Variants in FBLN5 observed in about 807,000 individuals in gnomAD.
FBLN5 encodes the protein fibulin-5.
In FBLN5, 24 loss-of-function variants were observed where a neutral mutation model predicts 61.6. That is an observed-to-expected ratio of 0.39 (90% CI 0.28 to 0.55). The LOEUF (loss-of-function observed/expected upper bound fraction) is 0.55, where lower values mean the gene tolerates loss of function less well. FBLN5 is among the 20% of genes least tolerant of loss of function. FBLN5 has a pLI of 0.65. For missense variants in FBLN5, 470 were observed against 594.1 expected, an observed-to-expected ratio of 0.79 and a Z score of 2.17; for synonymous variants, 213 against 219.8, an observed-to-expected ratio of 0.97 and a Z score of 0.27.
chr14:91,898,624 A>G (rs1265043734), intron 4 of FBLN5, among the ~76,000 whole-genome samples: 1 of 152,122 alleles, frequency 6.6e-6, no homozygotes, highest in Non-Finnish European at 1.5e-5. Flanking sequence ...TTTCCGCATC[A>G]GTGGAAAAGT....
intron 6 of FBLN5, among the ~76,000 whole-genome samples, chr14:91,887,609 C>G (rs148345962): frequency 2.0e-5 from 3 of 152,226 alleles, no homozygotes; most frequent in African/African-American, 7.2e-5. Context: ...AGTCTATGCT[C>G]CAACGCACCC....
At chr14:91,870,850 T>C (rs1888890000) in intron 10 of FBLN5, among the ~76,000 whole-genome samples, 1 of 152,146 alleles carries the variant, frequency 6.6e-6, no homozygotes, top group African/African-American at 2.4e-5. Flanking sequence ...TCAGAAAACA[T>C]ATATTGAATG....
chr14:91,889,547 T>C (rs72705340), intron 6 of FBLN5, among the ~76,000 whole-genome samples: 28,712 of 152,230 alleles, frequency 0.19, 3,211 homozygotes, highest in Middle Eastern at 0.33. Context: ...CTTAACCTTT[T>C]TGAGCCTTTA....
rs17127722 is a variant in FBLN5, at chr14:91,901,166, A to T, written c.380-6094T>A. On this transcript the variant is annotated intron_variant, in intron 4 of 10. Transcript: ENST00000342058. ...TGTGCCTAATGGCCATGTATGATCA[A>T]CCTTTTCACAATCTGATTCTTGCCT... 1.0e-3 allele frequency among the ~76,000 whole-genome samples: 157 copies of T among 152,294 alleles called. 5 individuals carry two copies. In the East Asian group the frequency reaches 0.029, roughly 28 times the overall value.
rs150889445 is a variant in FBLN5 at position 91,930,322 on chromosome 14, C to A, written c.379+6625G>T. On this transcript the variant is annotated intron_variant, in intron 4 of 10. Coordinates refer to ENST00000342058, the MANE Select transcript of FBLN5 (RefSeq NM_006329.4). ...GTTTAGAGAAGTGAAGCCACTTGCCCATCATCCCAGCAATGATAGGGAAAG... is the reference window on the plus strand; with the variant it reads ...GTTTAGAGAAGTGAAGCCACTTGCCAATCATCCCAGCAATGATAGGGAAAG... Among the ~76,000 whole-genome samples the A allele has an allele frequency of 8.1e-4, 124 of 152,240 alleles. 1 individual carries two copies. The highest frequency in any genetic ancestry group is 2.9e-3 in the African/African-American group (119 of 41,538).
intron 4 of FBLN5, among the ~76,000 whole-genome samples, chr14:91,911,491 A>G (rs1883875427): frequency 6.6e-6 from 1 of 152,228 alleles, no homozygotes; most frequent in African/African-American, 2.4e-5. Flanking sequence ...CTCAAGAAGT[A>G]GGAGGAGGAA....
At chr14:91,891,198 A>G in intron 6 of FBLN5, 23 bp downstream of exon 6, 2 of 1,356,900 alleles carry the variant, frequency 1.5e-6, no homozygotes, top group Non-Finnish European at 2.1e-6. Flanking sequence ...CATCATGTCC[A>G]AGTTATCATG....
chr14:91,894,281 G>T (rs904984322), intron 5 of FBLN5, among the ~76,000 whole-genome samples: 2 of 149,740 alleles, frequency 1.3e-5, no homozygotes, highest in Admixed American at 1.3e-4. Flanking sequence ...TGACTGAAAC[G>T]CCAGCTACTC....
intron 4 of FBLN5, among the ~76,000 whole-genome samples, chr14:91,917,924 T>C (rs948633350): frequency 4.0e-4 from 61 of 152,308 alleles, no homozygotes; most frequent in Admixed American, 6.5e-4. Context: ...GAGGCACACA[T>C]AGAACATTAC....
At position 91,947,097 on chromosome 14, in the gene FBLN5, C is replaced by T. The variant is rs368786919; in HGVS notation, c.17+116G>A. On this transcript the variant is annotated intron_variant, in intron 1 of 10. Transcript: ENST00000342058. This position sits in a 1 kb window ranked among gnomAD's most constrained non-coding sequence, Gnocchi z 4.3. Reference sequence around the variant, plus strand: ...AATATCATTGCATCACTAGCTCATGCCTTTTCCAATATCCTGACACCGCCT... The same window carrying T: ...AATATCATTGCATCACTAGCTCATGTCTTTTCCAATATCCTGACACCGCCT... 33 of 1,559,176 alleles carry T rather than the reference C, an allele frequency of 2.1e-5. No individual in the cohort carries two copies. The highest frequency in any genetic ancestry group is 1.5e-4 in the Admixed American group (8 of 54,474).
Position 91,882,897 on chromosome 14 carries a change from C to T in FBLN5, c.862+57G>A. The T allele has an allele frequency of 6.2e-7, 1 of 1,602,384 alleles. No individual in the cohort carries two copies. The highest frequency in any genetic ancestry group is 8.5e-7 in the Non-Finnish European group (1 of 1,172,484). On this transcript the variant is annotated intron_variant, in intron 8 of 10. Coordinates refer to ENST00000342058, the MANE Select transcript of FBLN5 (RefSeq NM_006329.4). The surrounding 1 kb of genome is among the most constrained non-coding windows in gnomAD (Gnocchi z 4.9). ...CAGGTGAGGATATCCAGATGAGCCC[C>T]TGAAGCAGCTCCACCTCACACATAC...
Position 91,936,113 on chromosome 14 carries a change from T to A in FBLN5, c.379+834A>T, listed in dbSNP as rs376461002. Reference sequence around the variant, plus strand: ...AGCTCAACACTCCAGAGCCCTGAAATGGGACAACAAAATCTTGGGACAAAC... The same window carrying A: ...AGCTCAACACTCCAGAGCCCTGAAAAGGGACAACAAAATCTTGGGACAAAC... On this transcript the variant is annotated intron_variant, in intron 4 of 10. Coordinates refer to ENST00000342058, the MANE Select transcript of FBLN5 (RefSeq NM_006329.4). Among the ~76,000 whole-genome samples the A allele has an allele frequency of 3.3e-5, 5 of 152,106 alleles. No individual in the cohort carries two copies. The East Asian group carries it at 9.7e-4, about 29-fold the overall frequency.
chr14:91,937,665 T>G (rs1439273316), intron 3 of FBLN5, among the ~76,000 whole-genome samples: 1 of 152,132 alleles, frequency 6.6e-6, no homozygotes, highest in Non-Finnish European at 1.5e-5. Context: ...CCCAGGCCCC[T>G]CACCGTGTGA....
chr14:91,892,555 C>T (rs868703945), intron 5 of FBLN5, among the ~76,000 whole-genome samples: 3 of 152,190 alleles, frequency 2.0e-5, no homozygotes, highest in Admixed American at 6.5e-5. Context: ...CTCTAAGTCC[C>T]GGCTACTTCT....
rs1159422862 is a variant in FBLN5 at position 91,869,569 on chromosome 14, G to A, written c.*655C>T. On this transcript the variant is annotated 3_prime_UTR_variant, in exon 11 of 11. Transcript: ENST00000342058. ...AGACAGAACATAGCATGTGTCTGAAGGCCTTTCGAAGGAATTCTACGACAT... is the reference window on the plus strand; with the variant it reads ...AGACAGAACATAGCATGTGTCTGAAAGCCTTTCGAAGGAATTCTACGACAT... The A allele has an allele frequency of 6.5e-6, 1 of 154,968 alleles. No homozygotes were observed. Among genetic ancestry groups the A allele is most frequent in the Non-Finnish European group, 1.4e-5 (1 of 69,838 alleles). 9.6% of individuals were successfully genotyped at this position (154,968 alleles called of 1,614,324 possible).
intron 9 of FBLN5, chr14:91,878,054 A>G (rs1171840542): frequency 2.4e-6 from 1 of 420,216 alleles, no homozygotes; most frequent in Non-Finnish European, 4.6e-6. Context: ...ACAAAACAAA[A>G]AAAAAGGAAG....
chr14:91,935,346 T>A (rs1230371668), intron 4 of FBLN5, among the ~76,000 whole-genome samples: 1 of 152,180 alleles, frequency 6.6e-6, no homozygotes, highest in East Asian at 1.9e-4. Context: ...GCCCGAGGCA[T>A]CAGCTAGACC....
chr14:91,933,814 A>T (rs1228971417), intron 4 of FBLN5, among the ~76,000 whole-genome samples: 4 of 152,164 alleles, frequency 2.6e-5, no homozygotes, highest in Non-Finnish European at 5.9e-5. Flanking sequence ...TCATTATGAA[A>T]AAAAAAGAGA....
At chr14:91,925,848 G>A (rs966013235) in intron 4 of FBLN5, among the ~76,000 whole-genome samples, 3 of 152,190 alleles carry the variant, frequency 2.0e-5, no homozygotes, top group Non-Finnish European at 4.4e-5. Context: ...CAGCGACCAT[G>A]GCCCCAGCCC....
Sources: gnomAD v4.1 joint callset for allele counts (sites outside exome capture counted in the v4.1 genomes callset) on GRCh38, gnomAD v4.1.1 for gene constraint, Gnocchi (gnomAD v3.1) non-coding constraint, MANE v1.5 for transcripts, NCBI Gene and HGNC (gene_info 2026-07-23, HGNC 2026-07-21) for gene names.